Variants in MYH14 observed in about 807,000 individuals in gnomAD.
MYH14 encodes the protein myosin heavy chain 14.
A neutral mutation model predicts 255.5 loss-of-function variants in MYH14; 123 were observed. That is an observed-to-expected ratio of 0.48 (90% confidence interval 0.42 to 0.56). The LOEUF (loss-of-function observed/expected upper bound fraction) is 0.56, where lower values mean the gene tolerates loss of function less well. Ranked by LOEUF, MYH14 falls within the 20% of genes least tolerant of loss-of-function variation. MYH14 has a pLI of 0.00. For missense variants in MYH14, 2,423 were observed against 2,802.3 expected, an observed-to-expected ratio of 0.86 and a Z score of 3.06; for synonymous variants, 1,095 against 1,161.2, an observed-to-expected ratio of 0.94 and a Z score of 1.16.
At chr19:50,212,650 C>A (rs949314478) in intron 2 of MYH14, among the ~76,000 whole-genome samples, 1 of 152,154 alleles carries the variant, frequency 6.6e-6, no homozygotes, top group East Asian at 1.9e-4. Context: ...GTTCACAAAG[C>A]GGAAGATTAG....
intron 30 of MYH14, 133 bp downstream of exon 30, chr19:50,278,422 C>G: frequency 1.6e-6 from 1 of 625,616 alleles, no homozygotes; most frequent in African/African-American, 1.9e-5. Context: ...ATGTACAAGT[C>G]TGGGCACAGT....
chr19:50,280,053 T>C lies in MYH14; in HGVS notation c.4049T>C (p.Val1350Ala). The C allele has an allele frequency of 6.2e-7, 1 of 1,609,418 alleles. No homozygotes were observed. Among genetic ancestry groups the C allele is most frequent in the Non-Finnish European group, 8.5e-7 (1 of 1,177,976 alleles). The change falls in exon 31 of 43, where the codon GTG becomes GCG. Residue 1350 changes from valine to alanine, a missense_variant. Around this residue, in one of 3 missense-constraint regions of MYH14, gnomAD observed 1,513 missense variants for 1,674.8 expected, o/e 0.90. Coordinates refer to ENST00000642316, the MANE Select transcript of MYH14 (RefSeq NM_001145809.2). This position sits in a 1 kb window ranked among gnomAD's most constrained non-coding sequence, Gnocchi z 4.8. ...LQRAQAELEN[V>A]SGALNEAESK... ...TCCCTGCAGGCTGAACTGGAGAATGTGTCTGGGGCGCTGAACGAGGCTGAG... is the reference window on the plus strand; with the variant it reads ...TCCCTGCAGGCTGAACTGGAGAATGCGTCTGGGGCGCTGAACGAGGCTGAG...
At chr19:50,249,537 G>A (rs1180046532) in intron 13 of MYH14, 113 bp from the exon 14 acceptor site, 37 of 675,190 alleles carry the variant, frequency 5.5e-5, no homozygotes, top group African/African-American at 3.5e-4. Context: ...CTCTCTCTGG[G>A]TCTCTGTCCC....
Position 50,280,014 on chromosome 19 carries a change from T to A in MYH14, c.4033-23T>A, listed in dbSNP as rs760690809. Reference sequence around the variant, plus strand: ...GGGTGGAAGCCACGATTGGAGGGCTTCATTCCCGTCCCTTCCCTGCAGGCT... The same window carrying A: ...GGGTGGAAGCCACGATTGGAGGGCTACATTCCCGTCCCTTCCCTGCAGGCT... On this transcript the variant is annotated intron_variant, in intron 30 of 42. Coordinates refer to ENST00000642316, the MANE Select transcript of MYH14 (RefSeq NM_001145809.2). The surrounding 1 kb of genome is among the most constrained non-coding windows in gnomAD (Gnocchi z 4.8). The A allele has an allele frequency of 6.4e-7, 1 of 1,574,072 alleles. No homozygotes were observed. Among genetic ancestry groups the A allele is most frequent in the Non-Finnish European group, 8.7e-7 (1 of 1,154,056 alleles).
In MYH14 at chr19:50,216,801, C is replaced by CTTTTTT. The variant is rs200626930; in HGVS notation, c.406-795_406-790dup. ...TAAAAAGATTCCTCTTCCATCCTTT[C>CTTTTTT]TTTTTTTTTTTTTTTTTTTTTTTTG... is the stretch of plus-strand genomic sequence containing the variant. On this transcript the variant is annotated intron_variant, in intron 2 of 42. Transcript: ENST00000642316. Among the ~76,000 whole-genome samples, 128 of 112,808 alleles carry CTTTTTT rather than the reference C, an allele frequency of 1.1e-3. 2 individuals are homozygous for CTTTTTT. The highest frequency in any genetic ancestry group is 4.6e-3 in the African/African-American group (118 of 25,576). The allele number at this position is 112,808 out of a possible 152,430, so 74.0% of individuals were successfully genotyped here.
chr19:50,264,612 C>T lies in MYH14; in HGVS notation c.2694+1192C>T, dbSNP rs142987468. On this transcript the variant is annotated intron_variant, in intron 22 of 42. Transcript: ENST00000642316. ...TCAGTATGCAGTGTTCTGCGTCTCCCGCTTGGCTTTCCTCCGTGATGATCA... is the reference window on the plus strand; with the variant it reads ...TCAGTATGCAGTGTTCTGCGTCTCCTGCTTGGCTTTCCTCCGTGATGATCA... Among the ~76,000 whole-genome samples the T allele has an allele frequency of 2.9e-3, 435 of 152,266 alleles. 4 individuals are homozygous for T. The highest frequency in any genetic ancestry group is 9.9e-3 in the African/African-American group (413 of 41,548).
In MYH14 at chr19:50,259,188, C is replaced by T; in HGVS notation, c.2277C>T (p.Cys759=). The stretch of plus-strand genomic sequence containing the variant: ...GGCTGGTGCTGGACCAGCTTCGCTG[C>T]AACGGGGTCCTGGAGGGCATCCGCA... ...EPRLVLDQLR[C]NGVLEGIRIC... is the part of the protein sequence containing the mutation. The change falls in exon 19 of 43, where the codon TGC becomes TGT. Residue 759 remains cysteine, a synonymous_variant. Coordinates refer to ENST00000642316, the MANE Select transcript of MYH14 (RefSeq NM_001145809.2). The T allele has an allele frequency of 1.9e-6, 3 of 1,573,426 alleles. No individual in the cohort carries two copies. The South Asian group carries it at 3.5e-5, about 18-fold the overall frequency.
At chr19:50,267,250 G>A (rs908705546) in intron 23 of MYH14, among the ~76,000 whole-genome samples, 1 of 151,916 alleles carries the variant, frequency 6.6e-6, no homozygotes, top group African/African-American at 2.4e-5. Flanking sequence ...GGTATGGGCC[G>A]GGTAGGGGTG....
At chr19:50,255,690 C>T (rs376849846) in intron 17 of MYH14, among the ~76,000 whole-genome samples, 6 of 152,180 alleles carry the variant, frequency 3.9e-5, no homozygotes, top group African/African-American at 1.4e-4. Context: ...CAGTAAGTGG[C>T]AGAGCTGGGA....
intron 10 of MYH14, among the ~76,000 whole-genome samples, chr19:50,232,335 T>G (rs558312707): frequency 2.0e-5 from 3 of 152,274 alleles, no homozygotes; most frequent in South Asian, 4.1e-4. Context: ...CTCATGCCTG[T>G]AATCCCAGCA....
At position 50,293,731 on chromosome 19, in the gene MYH14, C is replaced by G; in HGVS notation, c.5469+44C>G. 1 of 1,513,526 alleles carries G rather than the reference C, an allele frequency of 6.6e-7. No homozygotes were observed. The highest frequency in any genetic ancestry group is 8.8e-7 in the Non-Finnish European group (1 of 1,130,430). 93.8% of individuals were successfully genotyped at this position (1,513,526 alleles called of 1,614,324 possible). A position where few individuals can be genotyped will look rare whatever the true frequency, so the allele number is the denominator to read the frequency against. ...CCCCACCAGCCTCAGTCCCCATTGA[C>G]CTGGGACCGTAACCTTCAGTCCTCT... On this transcript the variant is annotated intron_variant, in intron 39 of 42. Coordinates refer to ENST00000642316, the MANE Select transcript of MYH14 (RefSeq NM_001145809.2). The surrounding 1 kb of genome is among the most constrained non-coding windows in gnomAD (Gnocchi z 4.1).
intron 34 of MYH14, among the ~76,000 whole-genome samples, chr19:50,287,805 G>A (rs1378154612): frequency 6.6e-6 from 1 of 151,970 alleles, no homozygotes; most frequent in South Asian, 2.1e-4. Context: ...GATGCTCAGA[G>A]AGAGAACACG....
chr19:50,271,627 G>T, intron 25 of MYH14, 81 bp downstream of exon 25: 1 of 1,541,708 alleles, frequency 6.5e-7, no homozygotes, highest in Non-Finnish European at 8.8e-7. Flanking sequence ...ACGCCATGGG[G>T]GTTACCACAC....
chr19:50,207,445 AAC>A (rs1467868263), intron 1 of MYH14, among the ~76,000 whole-genome samples: 1 of 151,888 alleles, frequency 6.6e-6, no homozygotes, highest in Non-Finnish European at 1.5e-5. Flanking sequence ...GGAGGGGCCT[AAC>A]ACATTCTAGT....
chr19:50,210,954 G>A (rs1676577760), intron 2 of MYH14, among the ~76,000 whole-genome samples, 184 bp downstream of exon 2: 1 of 152,172 alleles, frequency 6.6e-6, no homozygotes, highest in African/African-American at 2.4e-5. Context: ...GGACAGCCTC[G>A]GAACCTACTG....
At position 50,210,370 on chromosome 19, in the gene MYH14, C is replaced by T. The variant is rs750407725; in HGVS notation, c.5C>T (p.Ala2Val). M[A>V]AVTMSVPGRK... ...CTTTCTTTGCCCCTGCAGACCATGG[C>T]AGCCGTGACCATGTCGGTGCCCGGG... The change falls in exon 2 of 43, where the codon GCA becomes GTA. Residue 2 changes from alanine to valine, a missense_variant. By Grantham distance (64) the Ala-to-Val change is moderately conservative. Coordinates refer to ENST00000642316, the MANE Select transcript of MYH14 (RefSeq NM_001145809.2). 4 of 1,587,086 alleles carry T rather than the reference C, an allele frequency of 2.5e-6. No individual in the cohort carries two copies. Among genetic ancestry groups the T allele is most frequent in the Non-Finnish European group, 3.4e-6 (4 of 1,168,268 alleles).
chr19:50,209,862 C>T (rs757389525), intron 1 of MYH14, among the ~76,000 whole-genome samples: 11 of 150,946 alleles, frequency 7.3e-5, no homozygotes, highest in Non-Finnish European at 1.5e-4. Context: ...CTTTGGGAGG[C>T]CGAGGCAGGC....
intron 12 of MYH14, 27 bp from the exon 13 acceptor site, chr19:50,248,960 G>A (rs1600935816): frequency 2.5e-6 from 4 of 1,611,680 alleles, no homozygotes; most frequent in Non-Finnish European, 2.5e-6. Flanking sequence ...TGCAGGCTGC[G>A]CCCTTACCAT....
At chr19:50,269,704 G>A (rs1188659944) in intron 24 of MYH14, among the ~76,000 whole-genome samples, 3 of 152,172 alleles carry the variant, frequency 2.0e-5, no homozygotes, top group Admixed American at 2.0e-4. Flanking sequence ...GGTGACCCCT[G>A]GGTGCCGTGG....
Sources: gnomAD v4.1 joint callset for allele counts (sites outside exome capture counted in the v4.1 genomes callset) on GRCh38, gnomAD v4.1.1 for gene constraint, gnomAD v4.1.1 regional missense constraint, Gnocchi (gnomAD v3.1) non-coding constraint, MANE v1.5 for transcripts, NCBI Gene and HGNC (gene_info 2026-07-23, HGNC 2026-07-21) for gene names.